CNTNAP2: variants seen among roughly 807,000 people sequenced by gnomAD.
The protein encoded by CNTNAP2 is contactin associated protein 2, also known as contactin-associated protein-like 2.
Under a neutral mutation model 155.2 loss-of-function variants are expected in CNTNAP2, and 98 were observed. That is an observed-to-expected ratio of 0.63 (90% CI 0.54 to 0.75). The LOEUF is 0.75. Among genes scored for constraint, CNTNAP2 ranks in the 30% least tolerant of loss-of-function variants. The pLI is 0.00. For synonymous variants in CNTNAP2, 651 were observed against 631.2 expected, an observed-to-expected ratio of 1.03 and a Z score of -0.47; for missense variants, 1,727 against 1,688.1, an observed-to-expected ratio of 1.02 and a Z score of -0.40.
intron 13 of CNTNAP2, among the ~76,000 whole-genome samples, chr7:147,813,609 A>T (rs1798215551): frequency 6.6e-6 from 1 of 152,212 alleles, no homozygotes; most frequent in African/African-American, 2.4e-5. Flanking sequence ...TAGCAAAAAA[A>T]GTCTCTCTAG....
rs530872705 is a variant in CNTNAP2 at position 146,473,384 on chromosome 7, T to A, written c.98-300887T>A. Among the ~76,000 whole-genome samples the A allele has an allele frequency of 5.9e-5, 9 of 152,298 alleles. No individual in the cohort carries two copies. The South Asian group carries it at 6.2e-4, about 11-fold the overall frequency. On this transcript the variant is annotated intron_variant, in intron 1 of 23. Coordinates refer to ENST00000361727, the MANE Select transcript of CNTNAP2 (RefSeq NM_014141.6). ...ATCTCATGCTTTTCTGGCTTTTTTC[T>A]TGCCTCTTTTCCCTTCTTCTTTTCC...
At chr7:147,060,901 C>T (rs1450217612) in intron 4 of CNTNAP2, among the ~76,000 whole-genome samples, 1 of 151,890 alleles carries the variant, frequency 6.6e-6, no homozygotes, top group African/African-American at 2.4e-5. Context: ...AAAAACTGCG[C>T]AAAAATTACA....
intron 1 of CNTNAP2, among the ~76,000 whole-genome samples, chr7:146,558,422 C>T (rs1798229201): frequency 6.6e-6 from 1 of 151,876 alleles, no homozygotes; most frequent in African/African-American, 2.4e-5. Context: ...TTTTTAACCA[C>T]TTTATTTGGG....
At chr7:146,728,751 C>T (rs1801475876) in intron 1 of CNTNAP2, among the ~76,000 whole-genome samples, 1 of 152,104 alleles carries the variant, frequency 6.6e-6, no homozygotes, top group Non-Finnish European at 1.5e-5. Flanking sequence ...AGACAATCTA[C>T]CATGATCTTA....
At chr7:147,149,264 A>C (rs1377786409) in intron 8 of CNTNAP2, among the ~76,000 whole-genome samples, 1 of 151,998 alleles carries the variant, frequency 6.6e-6, no homozygotes, top group East Asian at 1.9e-4. Flanking sequence ...TGCATTTACA[A>C]TCCTTTAGCT....
chr7:147,160,639 G>A (rs927447144), intron 8 of CNTNAP2, among the ~76,000 whole-genome samples: 3 of 152,034 alleles, frequency 2.0e-5, no homozygotes, highest in African/African-American at 7.2e-5. Flanking sequence ...ATATAAAATT[G>A]TAATATGATG....
chr7:146,783,843 C>T (rs971127042), intron 2 of CNTNAP2, among the ~76,000 whole-genome samples: 1 of 152,178 alleles, frequency 6.6e-6, no homozygotes, highest in African/African-American at 2.4e-5. Flanking sequence ...TGGAGAATCA[C>T]AGATCGTCTT....
At chr7:146,173,060 A>G (rs544574227) in intron 1 of CNTNAP2, among the ~76,000 whole-genome samples, 15 of 152,256 alleles carry the variant, frequency 9.9e-5, no homozygotes, top group Admixed American at 7.2e-4. Context: ...ATATAATCCT[A>G]TCTGCTTTCA....
chr7:147,913,795 C>T (rs1039665221), intron 14 of CNTNAP2, among the ~76,000 whole-genome samples: 1 of 152,076 alleles, frequency 6.6e-6, no homozygotes, highest in African/African-American at 2.4e-5. Flanking sequence ...AGCGTGTCTC[C>T]AGAGATGATG....
intron 1 of CNTNAP2, among the ~76,000 whole-genome samples, chr7:146,697,885 T>C (rs1800808865): frequency 1.3e-5 from 2 of 152,204 alleles, no homozygotes; most frequent in Non-Finnish European, 2.9e-5. Context: ...TTTTACATAC[T>C]TTCCTGCCTT....
intron 1 of CNTNAP2, among the ~76,000 whole-genome samples, chr7:146,546,318 G>T (rs907755062): frequency 1.3e-5 from 2 of 151,912 alleles, no homozygotes; most frequent in African/African-American, 4.8e-5. Flanking sequence ...ATTGCGTGTG[G>T]CATTCAAGTT....
At chr7:147,602,551 CAT>C (rs1471772023) in intron 12 of CNTNAP2, among the ~76,000 whole-genome samples, 1 of 150,796 alleles carries the variant, frequency 6.6e-6, no homozygotes, top group Non-Finnish European at 1.5e-5. Context: ...AGGTTAGTTA[CAT>C]ATGTATACAT....
intron 8 of CNTNAP2, among the ~76,000 whole-genome samples, chr7:147,253,729 C>G (rs1017520545): frequency 1.3e-5 from 2 of 152,194 alleles, no homozygotes; most frequent in African/African-American, 4.8e-5. Context: ...AGGCAGCCTG[C>G]TGCTGCATGA....
At chr7:147,266,335 G>A (rs1337884473) in intron 8 of CNTNAP2, among the ~76,000 whole-genome samples, 1 of 152,194 alleles carries the variant, frequency 6.6e-6, no homozygotes, top group Non-Finnish European at 1.5e-5. Flanking sequence ...TATTTTAAAT[G>A]TACCAAGTCA....
At position 146,772,543 on chromosome 7, in the gene CNTNAP2, C is replaced by A. The variant is rs894430930; in HGVS notation, c.98-1728C>A. On this transcript the variant is annotated intron_variant, in intron 1 of 23. Transcript: ENST00000361727. ...AAATAGCTGTACTTGGTGGCACACG[C>A]CTGTAATCCCAGCTACTCAGGAGGC... Among the ~76,000 whole-genome samples the A allele has an allele frequency of 6.7e-4, 102 of 151,882 alleles. 1 individual carries two copies. The highest frequency in any genetic ancestry group is 1.0e-3 in the Non-Finnish European group (68 of 67,960).
chr7:146,443,834 T>C (rs1437647159), intron 1 of CNTNAP2, among the ~76,000 whole-genome samples: 2 of 152,224 alleles, frequency 1.3e-5, no homozygotes, highest in African/African-American at 2.4e-5. Flanking sequence ...TTATCTTTTG[T>C]TAATTAATAG....
At chr7:147,471,301 A>G (rs1166873905) in intron 10 of CNTNAP2, among the ~76,000 whole-genome samples, 3 of 152,238 alleles carry the variant, frequency 2.0e-5, no homozygotes, top group African/African-American at 2.4e-5. Context: ...TCAAAGGGAT[A>G]TTAGAAGTTA....
At chr7:147,531,637 T>C (rs1441361941) in intron 11 of CNTNAP2, among the ~76,000 whole-genome samples, 3 of 152,114 alleles carry the variant, frequency 2.0e-5, no homozygotes, top group Non-Finnish European at 4.4e-5. Flanking sequence ...GAAACCACTT[T>C]TTCCTCATGG....
intron 15 of CNTNAP2, among the ~76,000 whole-genome samples, chr7:148,045,132 C>T (rs1049567383): frequency 3.3e-5 from 5 of 152,116 alleles, no homozygotes; most frequent in Non-Finnish European, 4.4e-5. Context: ...ACAGAAGCAG[C>T]GTTTGACTCA....
Sources: gnomAD v4.1 joint callset for allele counts (sites outside exome capture counted in the v4.1 genomes callset) on GRCh38, gnomAD v4.1.1 for gene constraint, MANE v1.5 for transcripts, NCBI Gene and HGNC (gene_info 2026-07-23, HGNC 2026-07-21) for gene names.